The following FCHO1 variants were observed in gnomAD, a reference collection of about 807,000 sequenced individuals.
The protein encoded by FCHO1 is FCH and mu domain containing endocytic adaptor 1.
In FCHO1, 45 loss-of-function variants were observed where a neutral mutation model predicts 114.4. The ratio of observed to expected loss-of-function variants is 0.39; its 90% CI spans 0.31 to 0.50. The LOEUF is 0.50. Among genes scored for constraint, FCHO1 ranks in the 20% least tolerant of loss-of-function variants. The pLI is 0.77. For synonymous variants in FCHO1, 480 were observed against 488.9 expected (o/e 0.98, Z 0.24); for missense variants, 1,042 against 1,209.6 (o/e 0.86, Z 2.06).
intron 4 of FCHO1, among the ~76,000 whole-genome samples, chr19:17,759,226 CT>C (rs1473282318): frequency 1.9e-5 from 2 of 105,898 alleles, no homozygotes; most frequent in African/African-American, 3.6e-5. Flanking sequence ...AGCTGATTAC[CT>C]TTTTTTTTTT....
At chr19:17,747,978 C>T (rs939799090), upstream of FCHO1, among the ~76,000 whole-genome samples, 3 of 152,126 alleles carry the variant, frequency 2.0e-5, no homozygotes, top group African/African-American at 7.2e-5. Flanking sequence ...CCGGCTTCCC[C>T]CTCCAAGTGG....
chr19:17,786,666 G>GGGGGGA, intron 27 of FCHO1, 37 bp downstream of exon 27: 4 of 496,998 alleles, frequency 8.0e-6, no homozygotes, highest in Admixed American at 2.2e-5. Context: ...GGGTGGGAGG[G>GGGGGGA]ACTGGGGTCA....
chr19:17,772,731 G>A lies in FCHO1; in HGVS notation c.780G>A (p.Arg260=). 3.1e-6 allele frequency: 5 copies of A among 1,614,082 alleles called. No individual in the cohort carries two copies. The highest frequency in any genetic ancestry group is 4.2e-6 in the Non-Finnish European group (5 of 1,179,958). The change falls in exon 11 of 29, where the codon CGG becomes CGA. Residue 260 remains arginine, a synonymous_variant. Coordinates refer to ENST00000596536, the MANE Select transcript of FCHO1 (RefSeq NM_015122.3). ...RKFAESKGTG[R]EKPGPLDFEA... ...TTGCAGAGAGTAAGGGCACAGGCCGGGAGAAGCCTGGTGAGTCAGGGCAGC... is the reference window on the plus strand; with the variant it reads ...TTGCAGAGAGTAAGGGCACAGGCCGAGAGAAGCCTGGTGAGTCAGGGCAGC...
rs1295375498 is a variant in FCHO1, at chr19:17,772,738, C to A, written c.787C>A (p.Pro263Thr). 2.4e-5 allele frequency: 39 copies of A among 1,613,716 alleles called. No homozygotes were observed. The highest frequency in any genetic ancestry group is 3.2e-5 in the Non-Finnish European group (38 of 1,179,652). ...GAGTAAGGGCACAGGCCGGGAGAAG[C>A]CTGGTGAGTCAGGGCAGCCATTGGG... ...AESKGTGREK[P>T]GPLDFEAYSA... Residue 263 changes from proline (P) to threonine (T), a missense_variant, in exon 11 of 29, where the codon CCT (proline) becomes ACT (threonine). Physicochemically the swap from Pro to Thr is conservative, Grantham distance 38. Coordinates refer to ENST00000596536, the MANE Select transcript of FCHO1 (RefSeq NM_015122.3).
Position 17,787,740 on chromosome 19 carries a change from C to A in FCHO1, c.2541C>A (p.Pro847=). 6.3e-7 allele frequency: 1 copy of A among 1,592,518 alleles called. No homozygotes were observed. Among genetic ancestry groups the A allele is most frequent in the East Asian group, 2.3e-5 (1 of 44,262 alleles). The change falls in exon 28 of 29, where the codon CCC becomes CCA. Residue 847 remains proline, a synonymous_variant. Coordinates refer to ENST00000596536, the MANE Select transcript of FCHO1 (RefSeq NM_015122.3). ...TCTCAGGGCCCAGCACACCCAGCCCCGTGGCTGCACAGTTCACCAGCGAGG... is the reference window on the plus strand; with the variant it reads ...TCTCAGGGCCCAGCACACCCAGCCCAGTGGCTGCACAGTTCACCAGCGAGG... ...EPLSGPSTPS[P]VAAQFTSEGT...
Position 17,770,414 on chromosome 19 carries a change from C to A in FCHO1, c.337-11C>A, listed in dbSNP as rs1267398493. Reference sequence around the variant, plus strand: ...CACAGTCTACCCATGAAATCCCCTCCTACCCCGCAGTGCAAGGAGGAAGTG... The same window carrying A: ...CACAGTCTACCCATGAAATCCCCTCATACCCCGCAGTGCAAGGAGGAAGTG... On this transcript the variant is annotated splice_polypyrimidine_tract_variant and intron_variant, in intron 7 of 28. Transcript: ENST00000596536. The A allele has an allele frequency of 2.5e-6, 4 of 1,600,306 alleles. No homozygotes were observed. The African/African-American group carries it at 5.4e-5, about 21-fold the overall frequency.
rs2092488822 is a variant in FCHO1, at chr19:17,775,441, C to T, written c.946-15C>T. The T allele has an allele frequency of 3.1e-6, 5 of 1,613,358 alleles. No individual in the cohort carries two copies. Among genetic ancestry groups the T allele is most frequent in the Non-Finnish European group, 4.2e-6 (5 of 1,179,556 alleles). ...GTGGGGCGCCTGACTCACTGCTGCC[C>T]CCTGACTCCCCTAGACATGTCCAGA... On this transcript the variant is annotated splice_polypyrimidine_tract_variant and intron_variant, in intron 14 of 28. Coordinates refer to ENST00000596536, the MANE Select transcript of FCHO1 (RefSeq NM_015122.3). This position sits in a 1 kb window ranked among gnomAD's most constrained non-coding sequence, Gnocchi z 5.1.
chr19:17,748,507 T>TG (rs71162188), upstream of FCHO1, among the ~76,000 whole-genome samples: 33,790 of 133,736 alleles, frequency 0.25, 4,204 homozygotes, highest in Non-Finnish European at 0.28. Context: ...AGCCTGGACT[T>TG]GGGGGGGGGG....
chr19:17,769,663 A>G (rs1476028323), intron 7 of FCHO1, among the ~76,000 whole-genome samples: 5 of 151,770 alleles, frequency 3.3e-5, no homozygotes, highest in Non-Finnish European at 7.4e-5. Flanking sequence ...ACAGTCTGCC[A>G]CTGTTTGTCA....
At chr19:17,777,138 G>A (rs1426865416) in intron 18 of FCHO1, among the ~76,000 whole-genome samples, 1 of 152,078 alleles carries the variant, frequency 6.6e-6, no homozygotes, top group East Asian at 1.9e-4. Flanking sequence ...TTCATTTGAT[G>A]AACATTTATT....
At chr19:17,786,677 G>T in intron 27 of FCHO1, 48 bp downstream of exon 27, 1 of 1,566,986 alleles carries the variant, frequency 6.4e-7, no homozygotes, top group South Asian at 1.1e-5. Flanking sequence ...ACTGGGGTCA[G>T]GTGGGAGGCA....
Position 17,772,703 on chromosome 19 carries a change from A to G in FCHO1, c.752A>G (p.Lys251Arg). The G allele has an allele frequency of 6.2e-7, 1 of 1,614,154 alleles. No individual in the cohort carries two copies. The highest frequency in any genetic ancestry group is 8.5e-7 in the Non-Finnish European group (1 of 1,180,034). The change falls in exon 11 of 29, where the codon AAG becomes AGG. Residue 251 changes from lysine (K) to arginine (R), a missense_variant. Physicochemically the swap from Lys to Arg is conservative, Grantham distance 26. Transcript: ENST00000596536. ...GTCAGCGTGGAGATGCTACTCAGGAAGTTTGCAGAGAGTAAGGGCACAGGC... is the reference window on the plus strand; with the variant it reads ...GTCAGCGTGGAGATGCTACTCAGGAGGTTTGCAGAGAGTAAGGGCACAGGC... ...ENVSVEMLLR[K>R]FAESKGTGRE...
Position 17,781,553 on chromosome 19 carries a change from G to C in FCHO1, c.1828+14G>C. 2 of 1,613,528 alleles carry C rather than the reference G, an allele frequency of 1.2e-6. No homozygotes were observed. Among genetic ancestry groups the C allele is most frequent in the Non-Finnish European group, 1.7e-6 (2 of 1,179,734 alleles). ...AGACAGGACACGGTATGTGAGGGCG[G>C]TCCTGGGCCTGGCTTTGGGCCTCAG... is the stretch of plus-strand genomic sequence containing the variant. On this transcript the variant is annotated intron_variant, in intron 22 of 28. Transcript: ENST00000596536.
At chr19:17,780,159 C>G (rs2093237062) in intron 20 of FCHO1, among the ~76,000 whole-genome samples, 1 of 86,120 alleles carries the variant, frequency 1.2e-5, no homozygotes, top group Admixed American at 1.6e-4. Flanking sequence ...GCAGAAGAAG[C>G]TCTTTTTTTT....
rs1379573221 is a variant in FCHO1 at position 17,784,745 on chromosome 19, G to A, written c.2247G>A (p.Gln749=). 3 of 1,613,930 alleles carry A rather than the reference G, an allele frequency of 1.9e-6. No homozygotes were observed. The highest frequency in any genetic ancestry group is 1.3e-5 in the African/African-American group (1 of 74,918). ...CCTAGTTCTCCCGCCCGGGTCCCCA[G>A]TCTGTGCCTCTGCAGCTCAGTGCCC... is the stretch of plus-strand genomic sequence containing the variant. ...LRYQFSRPGP[Q]SVPLQLSAHW... is the part of the protein sequence containing the mutation. Residue 749 remains glutamine, a synonymous_variant, in exon 26 of 29, where the codon CAG becomes CAA. Coordinates refer to ENST00000596536, the MANE Select transcript of FCHO1 (RefSeq NM_015122.3). The surrounding 1 kb of genome is among the most constrained non-coding windows in gnomAD (Gnocchi z 5.3).
At chr19:17,764,591 A>T (rs2087940649) in intron 6 of FCHO1, 142 bp downstream of exon 6, 1 of 658,232 alleles carries the variant, frequency 1.5e-6, no homozygotes, top group Non-Finnish European at 2.5e-6. Flanking sequence ...TATATCATTC[A>T]TTCACACACT....
intron 8 of FCHO1, 35 bp downstream of exon 8, chr19:17,770,612 C>T (rs374906283): frequency 6.6e-5 from 106 of 1,596,404 alleles, no homozygotes; most frequent in Non-Finnish European, 8.4e-5. Flanking sequence ...GAGGAATTTG[C>T]CGCGGGGCGG....
chr19:17,786,659 TGG>T, intron 27 of FCHO1, 30 bp downstream of exon 27: 1 of 243,766 alleles, frequency 4.1e-6, no homozygotes, highest in Non-Finnish European at 8.6e-6. Context: ...GAGGGCTGGG[TGG>T]GAGGGACTGG....
chr19:17,776,319 G>T lies in FCHO1; in HGVS notation c.1207+48G>T. The T allele has an allele frequency of 1.2e-6, 2 of 1,612,296 alleles. No individual in the cohort carries two copies. The highest frequency in any genetic ancestry group is 2.2e-5 in the South Asian group (2 of 91,008). On this transcript the variant is annotated intron_variant, in intron 17 of 28. Coordinates refer to ENST00000596536, the MANE Select transcript of FCHO1 (RefSeq NM_015122.3). This position sits in a 1 kb window ranked among gnomAD's most constrained non-coding sequence, Gnocchi z 4.4. ...AGTGGGGAGGATCCTAAGGAAGGGA[G>T]GCTATGGGTTTGGGCTTGAATCATA...
Sources: gnomAD v4.1 joint callset for allele counts (sites outside exome capture counted in the v4.1 genomes callset) on GRCh38, gnomAD v4.1.1 for gene constraint, Gnocchi (gnomAD v3.1) non-coding constraint, MANE v1.5 for transcripts, NCBI Gene and HGNC (gene_info 2026-07-23, HGNC 2026-07-21) for gene names.